CDH13: variants seen among roughly 807,000 people sequenced by gnomAD.
CDH13 encodes cadherin 13.
CDH13 carries 24 observed loss-of-function variants against 63.8 expected under a neutral mutation model. The ratio of observed to expected loss-of-function variants is 0.38; its 90% CI spans 0.27 to 0.53. The LOEUF is 0.53. Among genes scored for constraint, CDH13 ranks in the 20% least tolerant of loss-of-function variants. The pLI, the probability that CDH13 is intolerant of heterozygous loss-of-function variation, is 0.85. For synonymous variants in CDH13, 503 were observed against 355.3 expected (o/e 1.42, Z -4.67); for missense variants, 1,049 against 903.1 (o/e 1.16, Z -2.07).
intron 2 of CDH13, among the ~76,000 whole-genome samples, chr16:82,979,809 C>A (rs1280966817): frequency 1.3e-5 from 2 of 152,052 alleles, no homozygotes; most frequent in Admixed American, 6.6e-5. Flanking sequence ...ACAATAAGAT[C>A]AGAACAGATT....
At chr16:82,966,379 C>T (rs1597316761) in intron 2 of CDH13, among the ~76,000 whole-genome samples, 1 of 152,066 alleles carries the variant, frequency 6.6e-6, no homozygotes, top group African/African-American at 2.4e-5. Flanking sequence ...GATTTCCTGA[C>T]CTCGTGATCC....
At chr16:83,697,778 G>C (rs1023076264) in intron 10 of CDH13, among the ~76,000 whole-genome samples, 1 of 152,212 alleles carries the variant, frequency 6.6e-6, no homozygotes, top group Admixed American at 6.5e-5. Flanking sequence ...CTCCTGAGTA[G>C]CTGGGATTAC....
intron 5 of CDH13, among the ~76,000 whole-genome samples, chr16:83,255,508 C>G: frequency 6.6e-6 from 1 of 152,316 alleles, no homozygotes; most frequent in South Asian, 2.1e-4. Context: ...ACCATGATGT[C>G]CAGTAAAGAA....
At chr16:83,709,658 C>G (rs1305481008) in intron 10 of CDH13, among the ~76,000 whole-genome samples, 1 of 152,158 alleles carries the variant, frequency 6.6e-6, no homozygotes, top group African/African-American at 2.4e-5. Context: ...TTCATCAGAC[C>G]CATTTATATT....
At chr16:82,820,345 C>T (rs145361387) in intron 1 of CDH13, among the ~76,000 whole-genome samples, 192 of 152,270 alleles carry the variant, frequency 1.3e-3, no homozygotes, top group Non-Finnish European at 2.2e-3. Context: ...CCTGGTAATG[C>T]CTCAGATACT....
At chr16:83,278,333 G>A (rs1180387940) in intron 5 of CDH13, among the ~76,000 whole-genome samples, 1 of 152,122 alleles carries the variant, frequency 6.6e-6, no homozygotes, top group Non-Finnish European at 1.5e-5. Context: ...TTCACCATGG[G>A]CTCCTTAAAC....
intron 7 of CDH13, among the ~76,000 whole-genome samples, chr16:83,560,898 G>GGC: frequency 1.0e-5 from 1 of 100,156 alleles, no homozygotes; most frequent in East Asian, 2.7e-4. Flanking sequence ...CCATAAGGTT[G>GGC]GCCCCCCCCC....
intron 7 of CDH13, among the ~76,000 whole-genome samples, chr16:83,584,216 A>AGC (rs1255266967): frequency 3.3e-5 from 5 of 151,892 alleles, no homozygotes; most frequent in African/African-American, 1.2e-4. Flanking sequence ...CTGTAGTCCC[A>AGC]AACTAAGGAG....
chr16:83,711,988 C>G lies in CDH13; in HGVS notation c.1538+33527C>G, dbSNP rs116110049. Among the ~76,000 whole-genome samples, 525 of 152,302 alleles carry G rather than the reference C, an allele frequency of 3.4e-3. 7 individuals carry two copies. Among genetic ancestry groups the G allele is most frequent in the African/African-American group, 0.012 (510 of 41,566 alleles). ...AGAGTTGGTTCCTTCTGAGGCCTCT[C>G]TTCTTGGCTTGTAGATGGCTGTCTT... On this transcript the variant is annotated intron_variant, in intron 10 of 13. Transcript: ENST00000567109.
intron 7 of CDH13, among the ~76,000 whole-genome samples, chr16:83,511,416 C>G (rs190550227): frequency 6.6e-6 from 1 of 151,558 alleles, no homozygotes; most frequent in Non-Finnish European, 1.5e-5. Context: ...GAGCTGAGAT[C>G]ACGCCACTGC....
chr16:83,324,912 T>C (rs1268204365), intron 5 of CDH13, among the ~76,000 whole-genome samples: 1 of 152,188 alleles, frequency 6.6e-6, no homozygotes, highest in African/African-American at 2.4e-5. Context: ...ACCCATCTGA[T>C]TTGGCCCCAC....
At position 83,785,880 on chromosome 16, in the gene CDH13, A is replaced by G. The variant is rs944468645; in HGVS notation, c.2134+2408A>G. 8.5e-5 allele frequency among the ~76,000 whole-genome samples: 13 copies of G among 152,252 alleles called. No homozygotes were observed. The South Asian group carries it at 2.3e-3, about 27-fold the overall frequency. On this transcript the variant is annotated intron_variant, in intron 13 of 13. Coordinates refer to ENST00000567109, the MANE Select transcript of CDH13 (RefSeq NM_001257.5). ...AGGACCGTCCTGGTGAGTGACTCCA[A>G]CGTTTAGGTACAGGCTCCTGGACAT...
chr16:82,891,149 G>A (rs777771372), intron 2 of CDH13, among the ~76,000 whole-genome samples: 1 of 151,338 alleles, frequency 6.6e-6, no homozygotes, highest in Non-Finnish European at 1.5e-5. Context: ...GCATTATGTA[G>A]CAATGATGTT....
At chr16:83,662,199 A>G (rs149202155) in intron 8 of CDH13, among the ~76,000 whole-genome samples, 1 of 152,222 alleles carries the variant, frequency 6.6e-6, no homozygotes, top group African/African-American at 2.4e-5. Flanking sequence ...CTATTTCCAC[A>G]TTCGAGTTTT....
At chr16:83,027,077 C>G (rs1199096759) in intron 2 of CDH13, among the ~76,000 whole-genome samples, 1 of 151,334 alleles carries the variant, frequency 6.6e-6, no homozygotes, top group African/African-American at 2.4e-5. Flanking sequence ...TGTCGGCAGC[C>G]TCTTGCTCAC....
intron 10 of CDH13, among the ~76,000 whole-genome samples, chr16:83,712,525 T>C (rs1908221081): frequency 6.6e-6 from 1 of 152,248 alleles, no homozygotes; most frequent in Non-Finnish European, 1.5e-5. Context: ...GGGCATGCTC[T>C]GCGCCCTGCA....
At chr16:83,369,338 A>T (rs4782779) in intron 6 of CDH13, among the ~76,000 whole-genome samples, 1 of 151,762 alleles carries the variant, frequency 6.6e-6, no homozygotes, top group Non-Finnish European at 1.5e-5. Flanking sequence ...ACCATCTCTC[A>T]TCATTCTTGA....
At chr16:83,495,302 A>G (rs559842947) in intron 7 of CDH13, among the ~76,000 whole-genome samples, 11 of 152,318 alleles carry the variant, frequency 7.2e-5, no homozygotes, top group Middle Eastern at 3.4e-3. Context: ...GTGTGTTTCC[A>G]GGTTATAGGT....
At chr16:83,173,894 A>T (rs1325425059) in intron 4 of CDH13, among the ~76,000 whole-genome samples, 4 of 151,994 alleles carry the variant, frequency 2.6e-5, no homozygotes, top group African/African-American at 9.7e-5. Flanking sequence ...CCTGTCTCTT[A>T]TGACTTAGAA....
Sources: gnomAD v4.1 joint callset for allele counts (sites outside exome capture counted in the v4.1 genomes callset) on GRCh38, gnomAD v4.1.1 for gene constraint, MANE v1.5 for transcripts, NCBI Gene and HGNC (gene_info 2026-07-23, HGNC 2026-07-21) for gene names.